Variants in IL1RAPL2 observed in about 807,000 individuals in gnomAD.
The protein encoded by IL1RAPL2 is interleukin 1 receptor accessory protein like 2, also known as X-linked interleukin-1 receptor accessory protein-like 2.
A neutral mutation model predicts 44.1 loss-of-function variants in IL1RAPL2; 3 were observed. That is an observed-to-expected ratio of 0.07 (90% CI 0.03 to 0.18). IL1RAPL2 has a LOEUF of 0.18. Among genes scored for constraint, IL1RAPL2 ranks in the 10% least tolerant of loss-of-function variants. IL1RAPL2 has a pLI of 1.00. For synonymous variants in IL1RAPL2, 181 were observed against 178.8 expected (o/e 1.01, Z -0.10); for missense variants, 391 against 496.4 (o/e 0.79, Z 2.02).
At chrX:105,692,860 CAGTA>C (rs1302770731) in intron 6 of IL1RAPL2, among the ~76,000 whole-genome samples, 1 of 111,521 alleles carries the variant, frequency 9.0e-6, no homozygotes, top group African/African-American at 3.3e-5. Context: ...AAGAATTAGA[CAGTA>C]AGCCTATATC....
chrX:104,736,692 C>A (rs926382879), intron 2 of IL1RAPL2, among the ~76,000 whole-genome samples: 2 of 112,274 alleles, frequency 1.8e-5, no homozygotes, highest in East Asian at 2.8e-4. Context: ...GGGAGCTTAA[C>A]CTCTGCTGAA....
At chrX:104,706,005 A>G (rs1931358451) in intron 2 of IL1RAPL2, among the ~76,000 whole-genome samples, 1 of 111,990 alleles carries the variant, frequency 8.9e-6, no homozygotes, top group African/African-American at 3.2e-5. Flanking sequence ...ATAAGTACCT[A>G]TTTGTTAATA....
intron 2 of IL1RAPL2, among the ~76,000 whole-genome samples, chrX:104,999,006 A>G (rs1194712228): frequency 9.0e-6 from 1 of 111,068 alleles, no homozygotes; most frequent in Non-Finnish European, 1.9e-5. Flanking sequence ...TCACTATGTG[A>G]CCCAGGCTGG....
At chrX:105,483,916 G>T (rs940146896) in intron 5 of IL1RAPL2, among the ~76,000 whole-genome samples, 7 of 111,483 alleles carry the variant, frequency 6.3e-5, no homozygotes, top group African/African-American at 2.3e-4. Context: ...GAAGATTCAT[G>T]TCACTAAAAA....
intron 2 of IL1RAPL2, among the ~76,000 whole-genome samples, chrX:105,030,527 G>C (rs964548565): frequency 1.8e-5 from 2 of 111,484 alleles, no homozygotes; most frequent in Non-Finnish European, 3.8e-5. Flanking sequence ...TCTTGTTTTT[G>C]TCAGGTTTGT....
chrX:104,622,642 A>G (rs1929421699), intron 1 of IL1RAPL2, among the ~76,000 whole-genome samples: 1 of 110,387 alleles, frequency 9.1e-6, no homozygotes, highest in Admixed American at 9.7e-5. Flanking sequence ...TCTCTGGGGG[A>G]CAATGGTCAA....
chrX:105,641,020 T>C (rs2037566151), intron 6 of IL1RAPL2, among the ~76,000 whole-genome samples: 2 of 109,540 alleles, frequency 1.8e-5, no homozygotes, highest in Admixed American at 2.0e-4. Context: ...AAGTAGATGG[T>C]AAACATACAA....
In IL1RAPL2 at chrX:104,711,350, G is replaced by A. The variant is rs139567483; in HGVS notation, c.82+52355G>A. On this transcript the variant is annotated intron_variant, in intron 2 of 10. Transcript: ENST00000372582. Reference sequence around the variant, plus strand: ...CTTTATGTGACACTTTACCTTTAAAGTTCTCTTTGTGTGCATGTGTACAGG... The same window carrying A: ...CTTTATGTGACACTTTACCTTTAAAATTCTCTTTGTGTGCATGTGTACAGG... 6.8e-4 allele frequency among the ~76,000 whole-genome samples: 75 copies of A among 110,897 alleles called. 2 individuals carry two copies. In the East Asian group the frequency reaches 0.02, roughly 29 times the overall value.
chrX:105,192,725 T>C lies in IL1RAPL2; in HGVS notation c.83-2750T>C, dbSNP rs188898408. On this transcript the variant is annotated intron_variant, in intron 2 of 10. Coordinates refer to ENST00000372582, the MANE Select transcript of IL1RAPL2 (RefSeq NM_017416.2). ...GGTCCATTTTAATGGGAAAATTCCCTGAGATCTCTTGAAATATGTTGTAAC... is the reference window on the plus strand; with the variant it reads ...GGTCCATTTTAATGGGAAAATTCCCCGAGATCTCTTGAAATATGTTGTAAC... 3.2e-3 allele frequency among the ~76,000 whole-genome samples: 207 copies of C among 64,154 alleles called. 1 individual carries two copies. Among genetic ancestry groups the C allele is most frequent in the African/African-American group, 0.013 (199 of 15,767 alleles). 55.7% of individuals were successfully genotyped at this position (64,154 alleles called of 115,157 possible). A position where few individuals can be genotyped will look rare whatever the true frequency, so the allele number is the denominator to read the frequency against.
chrX:104,762,011 T>C lies in IL1RAPL2; in HGVS notation c.82+103016T>C, dbSNP rs767856753. Among the ~76,000 whole-genome samples, 221 of 98,505 alleles carry C rather than the reference T, an allele frequency of 2.2e-3. 1 individual carries two copies. Among genetic ancestry groups the C allele is most frequent in the Non-Finnish European group, 2.2e-3 (108 of 48,832 alleles). The allele number at this position is 98,505 out of a possible 115,157, so 85.5% of individuals were successfully genotyped here. A position where few individuals can be genotyped will look rare whatever the true frequency, so the allele number is the denominator to read the frequency against. ...TCCTCCTCCTCTTCTTCTTCTTCTT[T>C]TTTTGAGACAGAGTCTCACTCTGTC... On this transcript the variant is annotated intron_variant, in intron 2 of 10. Coordinates refer to ENST00000372582, the MANE Select transcript of IL1RAPL2 (RefSeq NM_017416.2).
At chrX:104,843,478 C>T (rs187906038) in intron 2 of IL1RAPL2, among the ~76,000 whole-genome samples, 10 of 111,177 alleles carry the variant, frequency 9.0e-5, no homozygotes, top group East Asian at 8.6e-4. Flanking sequence ...GTGGCTACCT[C>T]GGTGCCTGCT....
Position 104,801,389 on chromosome X carries a change from G to A in IL1RAPL2, c.82+142394G>A, listed in dbSNP as rs186696083. Among the ~76,000 whole-genome samples the A allele has an allele frequency of 3.6e-5, 4 of 111,396 alleles. No individual in the cohort carries two copies. In the East Asian group the frequency reaches 1.1e-3, roughly 31 times the overall value. On this transcript the variant is annotated intron_variant, in intron 2 of 10. Transcript: ENST00000372582. The stretch of plus-strand genomic sequence containing the variant: ...TATATCCACTATTCAGATAAATGTT[G>A]CATGCCTTCCTAATAGTCTGCTTCC...
intron 6 of IL1RAPL2, among the ~76,000 whole-genome samples, chrX:105,538,122 C>T (rs2036691889): frequency 9.6e-6 from 1 of 104,167 alleles, no homozygotes; most frequent in African/African-American, 3.6e-5. Context: ...CTGCAAGCTC[C>T]GCCTCCTGGG....
chrX:104,749,817 T>C (rs888490842), intron 2 of IL1RAPL2, among the ~76,000 whole-genome samples: 2 of 111,949 alleles, frequency 1.8e-5, no homozygotes, highest in Non-Finnish European at 3.8e-5. Flanking sequence ...ATTAAGACAA[T>C]TGAGAAATGG....
intron 5 of IL1RAPL2, among the ~76,000 whole-genome samples, chrX:105,372,435 CAAA>C (rs369933788): frequency 2.3e-5 from 2 of 87,209 alleles, no homozygotes; most frequent in Non-Finnish European, 2.2e-5. Context: ...GACCCTATCT[CAAA>C]AAAAAAAAAA....
intron 6 of IL1RAPL2, among the ~76,000 whole-genome samples, chrX:105,512,764 C>T (rs1188491849): frequency 2.7e-5 from 3 of 110,956 alleles, no homozygotes; most frequent in African/African-American, 9.9e-5. Context: ...TCAAAAGAAC[C>T]AGATGACTAT....
chrX:105,064,571 A>C (rs1257293470), intron 2 of IL1RAPL2, among the ~76,000 whole-genome samples: 1 of 112,412 alleles, frequency 8.9e-6, no homozygotes. Context: ...GTAACCACTA[A>C]TATCTGGAAA....
intron 2 of IL1RAPL2, among the ~76,000 whole-genome samples, chrX:104,670,344 C>G (rs931418975): frequency 6.3e-5 from 7 of 111,581 alleles, no homozygotes; most frequent in Non-Finnish European, 1.3e-4. Context: ...CCAGAAGACT[C>G]AGCAAGCCAG....
chrX:105,040,838 T>C (rs758441539), intron 2 of IL1RAPL2, among the ~76,000 whole-genome samples: 1 of 103,688 alleles, frequency 9.6e-6, no homozygotes, highest in Non-Finnish European at 2.0e-5. Flanking sequence ...AGCTCCTGGA[T>C]TCATTAATTT....
Sources: gnomAD v4.1 joint callset for allele counts (sites outside exome capture counted in the v4.1 genomes callset) on GRCh38, gnomAD v4.1.1 for gene constraint, MANE v1.5 for transcripts, NCBI Gene and HGNC (gene_info 2026-07-23, HGNC 2026-07-21) for gene names.